STK24: variants seen among roughly 807,000 people sequenced by gnomAD.
STK24 encodes serine/threonine kinase 24.
A neutral mutation model predicts 55.6 loss-of-function variants in STK24; 21 were observed. The ratio of observed to expected loss-of-function variants is 0.38; its 90% CI spans 0.27 to 0.54. STK24 has a LOEUF of 0.54. STK24 is among the 20% of genes least tolerant of loss of function. STK24 has a pLI of 0.79. For missense variants in STK24, 383 were observed against 538.4 expected, an observed-to-expected ratio of 0.71 and a Z score of 2.86; for synonymous variants, 200 against 215.2, an observed-to-expected ratio of 0.93 and a Z score of 0.62.
intron 1 of STK24, among the ~76,000 whole-genome samples, chr13:98,527,868 T>C (rs1896476662): frequency 1.3e-5 from 2 of 152,216 alleles, no homozygotes; most frequent in African/African-American, 4.8e-5. Flanking sequence ...ACCTGCTTTA[T>C]TGGAACAAAT....
intron 7 of STK24, 45 bp downstream of exon 7, chr13:98,463,646 G>C (rs1477865550): frequency 1.3e-6 from 2 of 1,548,320 alleles, no homozygotes; most frequent in Non-Finnish European, 1.7e-6. Context: ...AAGACCAGCG[G>C]ATCCCTCCCA....
chr13:98,451,303 A>G lies in STK24; in HGVS notation c.*1870T>C, dbSNP rs1169640829. On this transcript the variant is annotated 3_prime_UTR_variant, in exon 11 of 11. Coordinates refer to ENST00000539966, the MANE Select transcript of STK24 (RefSeq NM_001032296.4). ...TGACTTATGCCGCCGGCCTCACGTA[A>G]GGAAACAGTTCCCCACACAGAATAC... The G allele has an allele frequency of 6.6e-6, 1 of 152,210 alleles. No individual in the cohort carries two copies. The highest frequency in any genetic ancestry group is 1.5e-5 in the Non-Finnish European group (1 of 68,042). 9.4% of individuals were successfully genotyped at this position (152,210 alleles called of 1,614,324 possible). A position where few individuals can be genotyped will look rare whatever the true frequency, so the allele number is the denominator to read the frequency against.
chr13:98,572,318 C>T (rs1188707838), intron 1 of STK24, among the ~76,000 whole-genome samples: 3 of 152,096 alleles, frequency 2.0e-5, no homozygotes, highest in African/African-American at 4.8e-5. Context: ...AGGTGCTCTC[C>T]GAACCCACGT....
At chr13:98,531,994 C>G (rs776200785) in intron 1 of STK24, among the ~76,000 whole-genome samples, 18 of 152,192 alleles carry the variant, frequency 1.2e-4, no homozygotes, top group Non-Finnish European at 2.5e-4. Context: ...GGGTAGCTCC[C>G]TAAACAGCTC....
rs190539203 is a variant in STK24, at chr13:98,465,851, C to T, written c.783+525G>A. 9.9e-5 allele frequency among the ~76,000 whole-genome samples: 15 copies of T among 152,284 alleles called. No individual in the cohort carries two copies. In the East Asian group the frequency reaches 2.9e-3, roughly 29 times the overall value. On this transcript the variant is annotated intron_variant, in intron 6 of 10. Coordinates refer to ENST00000539966, the MANE Select transcript of STK24 (RefSeq NM_001032296.4). Reference sequence around the variant, plus strand: ...AGAAAATGAGGCAAAGCCACACAGTCGTTACTGCTGTATGGCTCTGCCAGA... The same window carrying T: ...AGAAAATGAGGCAAAGCCACACAGTTGTTACTGCTGTATGGCTCTGCCAGA...
At chr13:98,554,370 A>T (rs1214026089) in intron 1 of STK24, among the ~76,000 whole-genome samples, 3 of 152,220 alleles carry the variant, frequency 2.0e-5, no homozygotes, top group African/African-American at 7.2e-5. Flanking sequence ...ATTACCTCTG[A>T]CTAAAACAGC....
intron 1 of STK24, chr13:98,576,106 G>C: frequency 1.0e-6 from 1 of 984,994 alleles, no homozygotes; most frequent in Non-Finnish European, 1.2e-6. Context: ...CTGTCCGAGG[G>C]ATTCCTCCTT....
chr13:98,491,536 T>C (rs1202622290), intron 2 of STK24, among the ~76,000 whole-genome samples: 2 of 152,284 alleles, frequency 1.3e-5, no homozygotes, highest in East Asian at 3.9e-4. Context: ...TGAAAATTAC[T>C]GGATCACATC....
chr13:98,576,344 G>A (rs1405525325), intron 1 of STK24: 1 of 464,450 alleles, frequency 2.2e-6, no homozygotes, highest in Non-Finnish European at 2.8e-6. Flanking sequence ...GGGGCCCTCC[G>A]CCAACCCGGC....
At chr13:98,462,177 A>C (rs1893736247) in intron 7 of STK24, among the ~76,000 whole-genome samples, 1 of 150,358 alleles carries the variant, frequency 6.7e-6, no homozygotes, top group African/African-American at 2.5e-5. Context: ...CACCTCCCCC[A>C]CCTCCCTGGG....
chr13:98,458,917 C>T (rs1893583041), intron 9 of STK24, among the ~76,000 whole-genome samples: 1 of 152,230 alleles, frequency 6.6e-6, no homozygotes, highest in Admixed American at 6.5e-5. Context: ...ACACTCTGAA[C>T]TCTAGGGTAG....
At position 98,522,011 on chromosome 13, in the gene STK24, C is replaced by T. The variant is rs1360467510; in HGVS notation, c.43-2538G>A. On this transcript the variant is annotated intron_variant, in intron 1 of 10. Coordinates refer to ENST00000539966, the MANE Select transcript of STK24 (RefSeq NM_001032296.4). The stretch of plus-strand genomic sequence containing the variant: ...TCCCTAACCCAAAGCCCTCCTCCTC[C>T]ACTCTCTCCTTCCTCTGGAGTCCCT... The T allele has an allele frequency of 2.8e-6, 4 of 1,434,664 alleles. No individual in the cohort carries two copies. The African/African-American group carries it at 5.7e-5, about 21-fold the overall frequency. The allele number at this position is 1,434,664 out of a possible 1,614,324, so 88.9% of individuals were successfully genotyped here.
chr13:98,465,790 C>G (rs1893905814), intron 6 of STK24, among the ~76,000 whole-genome samples: 1 of 152,222 alleles, frequency 6.6e-6, no homozygotes, highest in Non-Finnish European at 1.5e-5. Flanking sequence ...CACCAACACA[C>G]ACACACTACT....
Position 98,446,714 on chromosome 13 carries a change from A to G in STK24, c.*6459T>C. On this transcript the variant is annotated 3_prime_UTR_variant, in exon 11 of 11. Transcript: ENST00000539966. ...GCCTCTGCTCGGCTACTCGCTCACC[A>G]TCCCCTCTGAGTCCGAGAACATCCA... is the stretch of plus-strand genomic sequence containing the variant. 2 of 1,614,010 alleles carry G rather than the reference A, an allele frequency of 1.2e-6. No individual in the cohort carries two copies. Among genetic ancestry groups the G allele is most frequent in the Non-Finnish European group, 1.7e-6 (2 of 1,179,990 alleles).
chr13:98,482,229 C>T, intron 3 of STK24, 36 bp downstream of exon 3: 1 of 1,270,132 alleles, frequency 7.9e-7, no homozygotes, highest in Non-Finnish European at 1.1e-6. Context: ...TGAGAAAAAG[C>T]TTTGATACGT....
chr13:98,534,554 C>T (rs1187934082), intron 1 of STK24, among the ~76,000 whole-genome samples: 1 of 152,120 alleles, frequency 6.6e-6, no homozygotes, highest in East Asian at 1.9e-4. Context: ...TCACGCAGGC[C>T]GGAGGCTACA....
chr13:98,492,419 T>C (rs192262506), intron 2 of STK24, among the ~76,000 whole-genome samples: 1 of 152,018 alleles, frequency 6.6e-6, no homozygotes, highest in Non-Finnish European at 1.5e-5. Context: ...GAAAAAAGGG[T>C]GCTTTTGGAA....
At chr13:98,512,045 T>C (rs758856312) in intron 2 of STK24, among the ~76,000 whole-genome samples, 2 of 151,994 alleles carry the variant, frequency 1.3e-5, no homozygotes, top group African/African-American at 2.4e-5. Context: ...CCACCATGCC[T>C]GGCTAATTAT....
intron 1 of STK24, among the ~76,000 whole-genome samples, chr13:98,559,457 G>A (rs1897360327): frequency 1.3e-5 from 2 of 152,246 alleles, no homozygotes; most frequent in South Asian, 4.1e-4. Flanking sequence ...CCATGACTGT[G>A]AGGCCTCCCC....
Sources: allele counts gnomAD v4.1 joint callset (sites outside exome capture counted in the v4.1 genomes callset), GRCh38; gene constraint gnomAD v4.1.1; transcripts MANE v1.5; gene names NCBI Gene and HGNC (gene_info 2026-07-23, HGNC 2026-07-21).